The following RRM2B variants were observed in gnomAD, a reference collection of about 807,000 sequenced individuals.
RRM2B encodes ribonucleotide reductase regulatory TP53 inducible subunit M2B.
In RRM2B, 20 loss-of-function variants were observed where a neutral mutation model predicts 45.9. The observed-to-expected ratio is 0.44, with a 90% confidence interval of 0.31 to 0.63. The LOEUF is 0.63. Among genes scored for constraint, RRM2B ranks in the 30% least tolerant of loss-of-function variants. The pLI, the probability that RRM2B is intolerant of heterozygous loss-of-function variation, is 0.09. For synonymous variants in RRM2B, 124 were observed against 132.3 expected (o/e 0.94, Z 0.43); for missense variants, 320 against 414.7 (o/e 0.77, Z 1.98).
rs1811174719 is a variant in RRM2B, at chr8:102,238,729, A to AC, written c.48+97dup. 3 of 1,595,178 alleles carry AC rather than the reference A, an allele frequency of 1.9e-6. No homozygotes were observed. The highest frequency in any genetic ancestry group is 1.7e-6 in the Non-Finnish European group (2 of 1,172,516). On this transcript the variant is annotated intron_variant, in intron 1 of 8. Transcript: ENST00000251810. ...AGGGCGGGCGGACAGGCCTGTCCTG[A>AC]CCGCGGCGAATAACATTTCCTACAG... is the stretch of plus-strand genomic sequence containing the variant.
chr8:102,215,185 GGCAGAT>G (rs1200571942), intron 6 of RRM2B, among the ~76,000 whole-genome samples: 1 of 151,802 alleles, frequency 6.6e-6, no homozygotes, highest in Non-Finnish European at 1.5e-5. Context: ...GGCTAAGGTG[GGCAGAT>G]TCCTTGAGTT....
At chr8:102,236,411 T>C (rs545960233) in intron 1 of RRM2B, among the ~76,000 whole-genome samples, 3 of 152,234 alleles carry the variant, frequency 2.0e-5, no homozygotes, top group Admixed American at 1.3e-4. Flanking sequence ...CGTATAGGAT[T>C]AATTGATAAA....
intron 6 of RRM2B, among the ~76,000 whole-genome samples, chr8:102,218,006 G>A (rs1227023221): frequency 6.6e-6 from 1 of 152,142 alleles, no homozygotes; most frequent in Non-Finnish European, 1.5e-5. Context: ...AATGAAATAG[G>A]AAAAACAGAA....
In RRM2B at chr8:102,218,921, C is replaced by T; in HGVS notation, c.577G>A (p.Val193Ile). Reference sequence around the variant, plus strand: ...GATCCTGAGAAGAAAACTCCTTCTACAGCAGCAAAGGCCACCACTCTTTCC... The same window carrying T: ...GATCCTGAGAAGAAAACTCCTTCTATAGCAGCAAAGGCCACCACTCTTTCC... ...FGERVVAFAA[V>I]EGVFFSGSFA... Residue 193 changes from valine (V) to isoleucine (I), a missense_variant, in exon 6 of 9, where the codon GTA becomes ATA. By Grantham distance (29) the Val-to-Ile change is conservative. Transcript: ENST00000251810. 2 of 1,612,968 alleles carry T rather than the reference C, an allele frequency of 1.2e-6. No homozygotes were observed. Among genetic ancestry groups the T allele is most frequent in the Non-Finnish European group, 1.7e-6 (2 of 1,179,282 alleles).
chr8:102,227,649 T>C (rs1315772292), intron 2 of RRM2B, among the ~76,000 whole-genome samples: 2 of 152,178 alleles, frequency 1.3e-5, no homozygotes, highest in Non-Finnish European at 2.9e-5. Flanking sequence ...CTGGGGGCTA[T>C]AACAAATTAC....
At chr8:102,225,818 T>C in intron 3 of RRM2B, 100 bp downstream of exon 3, 1 of 774,054 alleles carries the variant, frequency 1.3e-6, no homozygotes, top group Non-Finnish European at 2.3e-6. Flanking sequence ...TAGTTCATTT[T>C]TTAGACATCT....
intron 5 of RRM2B, among the ~76,000 whole-genome samples, chr8:102,223,123 C>T (rs1208370898): frequency 6.6e-6 from 1 of 152,010 alleles, no homozygotes; most frequent in African/African-American, 2.4e-5. Context: ...GAGATGGGTA[C>T]TTAGAGCTAT....
At chr8:102,210,812 C>A (rs1012742693) in intron 8 of RRM2B, among the ~76,000 whole-genome samples, 3 of 152,058 alleles carry the variant, frequency 2.0e-5, no homozygotes, top group African/African-American at 7.2e-5. Flanking sequence ...ATTGCTGAAA[C>A]TAGTGTGGAA....
chr8:102,224,186 CT>C (rs372636442), intron 4 of RRM2B, 46 bp from the exon 5 acceptor site: 112,918 of 893,242 alleles, frequency 0.13, no homozygotes, highest in South Asian at 0.17. Flanking sequence ...ACTTGTTTTT[CT>C]TTTTTTTTTT....
chr8:102,214,109 T>C lies in RRM2B; in HGVS notation c.734A>G (p.Lys245Arg). The change falls in exon 7 of 9, where the codon AAG becomes AGG. Residue 245 changes from lysine to arginine, a missense_variant. Physicochemically the swap from Lys to Arg is conservative, Grantham distance 26. Around this residue, in one of 3 missense-constraint regions of RRM2B, gnomAD observed 225 missense variants for 289.4 expected, o/e 0.78. Transcript: ENST00000251810. Reference sequence around the variant, plus strand: ...CTCCCTGACCCTTTCTTCTGAAGGCTTATTTACTAAGTATTGGAACATCAG... The same window carrying C: ...CTCCCTGACCCTTTCTTCTGAAGGCCTATTTACTAAGTATTGGAACATCAG... ...ACLMFQYLVN[K>R]PSEERVREII... is the part of the protein sequence containing the mutation. 1 of 1,613,638 alleles carries C rather than the reference T, an allele frequency of 6.2e-7. No homozygotes were observed. The highest frequency in any genetic ancestry group is 2.2e-5 in the East Asian group (1 of 44,786).
At chr8:102,221,933 G>T (rs543879010) in intron 5 of RRM2B, among the ~76,000 whole-genome samples, 2 of 152,124 alleles carry the variant, frequency 1.3e-5, no homozygotes, top group Non-Finnish European at 1.5e-5. Context: ...CCTTGTGAGG[G>T]AATCAGCTGA....
intron 2 of RRM2B, among the ~76,000 whole-genome samples, chr8:102,227,839 T>C (rs1201635467): frequency 6.6e-6 from 1 of 152,042 alleles, no homozygotes; most frequent in Non-Finnish European, 1.5e-5. Flanking sequence ...AGATCATATC[T>C]CTCATGTCTC....
At chr8:102,219,402 G>A (rs929722751) in intron 5 of RRM2B, among the ~76,000 whole-genome samples, 1 of 152,154 alleles carries the variant, frequency 6.6e-6, no homozygotes, top group Non-Finnish European at 1.5e-5. Context: ...GTATCTTACA[G>A]ACCATCTGCA....
chr8:102,237,856 C>T (rs984969750), intron 1 of RRM2B, among the ~76,000 whole-genome samples: 1 of 152,190 alleles, frequency 6.6e-6, no homozygotes, highest in African/African-American at 2.4e-5. Context: ...AAATCTCAAA[C>T]CTGGAATCTA....
At position 102,238,914 on chromosome 8, in the gene RRM2B, G is replaced by C; in HGVS notation, c.-40C>G. The C allele has an allele frequency of 1.9e-6, 3 of 1,600,858 alleles. No individual in the cohort carries two copies. The highest frequency in any genetic ancestry group is 2.6e-6 in the Non-Finnish European group (3 of 1,176,388). On this transcript the variant is annotated 5_prime_UTR_variant, in exon 1 of 9. Transcript: ENST00000251810. ...CGAAGCTACGGGCGCTGAGGGAACT[G>C]AGCTCCTCAGGCCACCTCCAACTAC...
At position 102,225,999 on chromosome 8, in the gene RRM2B, C is replaced by T. The variant is rs1810925321; in HGVS notation, c.240G>A (p.Lys80=). 1.2e-6 allele frequency: 2 copies of T among 1,612,450 alleles called. No individual in the cohort carries two copies. Among genetic ancestry groups the T allele is most frequent in the Non-Finnish European group, 1.7e-6 (2 of 1,178,802 alleles). Residue 80 remains lysine (K), a synonymous_variant, in exon 3 of 9, where the codon AAG becomes AAA. Transcript: ENST00000251810. The stretch of plus-strand genomic sequence containing the variant: ...TGAAGTACTTCTCATCTGCTTTAAG[C>T]TTGTTCCAGTGAGGGAGATCCTTTG... ...DLSKDLPHWN[K]LKADEKYFIS...
intron 2 of RRM2B, among the ~76,000 whole-genome samples, chr8:102,229,728 G>A (rs989117676): frequency 1.3e-5 from 2 of 152,022 alleles, no homozygotes; most frequent in African/African-American, 4.8e-5. Context: ...GGGATTACAG[G>A]CACCTGCTGC....
intron 1 of RRM2B, among the ~76,000 whole-genome samples, chr8:102,233,680 C>G (rs1811072291): frequency 6.6e-6 from 1 of 152,256 alleles, no homozygotes; most frequent in Admixed American, 6.5e-5. Flanking sequence ...ACATAGCTCA[C>G]TGCAATTTAA....
intron 6 of RRM2B, among the ~76,000 whole-genome samples, chr8:102,216,757 T>G (rs1157493232): frequency 6.6e-6 from 1 of 152,094 alleles, no homozygotes; most frequent in Non-Finnish European, 1.5e-5. Context: ...ATGAAAAAAG[T>G]GTTCAATCTA....
Sources: gnomAD v4.1 joint callset for allele counts (sites outside exome capture counted in the v4.1 genomes callset) on GRCh38, gnomAD v4.1.1 for gene constraint, gnomAD v4.1.1 regional missense constraint, MANE v1.5 for transcripts, NCBI Gene and HGNC (gene_info 2026-07-23, HGNC 2026-07-21) for gene names.